The following SLC45A4 variants were observed in gnomAD, a reference collection of about 807,000 sequenced individuals.
SLC45A4 encodes the protein solute carrier family 45 member 4.
In SLC45A4, 32 loss-of-function variants were observed where a neutral mutation model predicts 63.7. That is an observed-to-expected ratio of 0.50 (90% CI 0.38 to 0.67). The LOEUF (loss-of-function observed/expected upper bound fraction) is 0.67. SLC45A4 is among the 30% of genes least tolerant of loss of function. The pLI is 0.00. For missense variants in SLC45A4, 1,027 were observed against 1,157.7 expected (o/e 0.89, Z 1.64); for synonymous variants, 535 against 510.0 (o/e 1.05, Z -0.66).
At chr8:141,283,388 G>T (rs1830028837) in intron 1 of SLC45A4, among the ~76,000 whole-genome samples, 1 of 152,152 alleles carries the variant, frequency 6.6e-6, no homozygotes, top group African/African-American at 2.4e-5. Context: ...TTCCCTCCCA[G>T]CCCCAAAGCT....
At chr8:141,267,295 G>A (rs1314330752) in intron 1 of SLC45A4, among the ~76,000 whole-genome samples, 2 of 152,258 alleles carry the variant, frequency 1.3e-5, no homozygotes, top group African/African-American at 4.8e-5. Context: ...TGTCCCGTGG[G>A]GCCTGCGTGG....
chr8:141,212,034 T>C (rs1396685348), intron 8 of SLC45A4, 163 bp downstream of exon 8: 11 of 1,344,828 alleles, frequency 8.2e-6, no homozygotes, highest in Admixed American at 7.2e-5. Context: ...ACTACTGAAT[T>C]GTGGCTATGG....
rs1033082822 is a variant in SLC45A4 at position 141,215,681 on chromosome 8, A to G, written c.1941+78T>C. ...TGTGTCGTGAACGTCCCCCCGGGGA[A>G]GCACAGGGCTCTGCTCTGTATGGAG... On this transcript the variant is annotated intron_variant, in intron 7 of 8. Transcript: ENST00000517878. This position sits in a 1 kb window ranked among gnomAD's most constrained non-coding sequence, Gnocchi z 4.3. 1.4e-6 allele frequency: 2 copies of G among 1,429,470 alleles called. No homozygotes were observed. Among genetic ancestry groups the G allele is most frequent in the Non-Finnish European group, 1.9e-6 (2 of 1,028,378 alleles). 88.5% of individuals were successfully genotyped at this position (1,429,470 alleles called of 1,614,324 possible).
chr8:141,218,062 G>T lies in SLC45A4; in HGVS notation c.1578C>A (p.Ala526=), dbSNP rs61995882. ...GGCCCATGAAGTCGGTGTAGAACAC[G>T]GCCTCGGCGATGACAGAGAACCAGG... ...LLTWFSVIAE[A]VFYTDFMGQV... is the part of the protein sequence containing the mutation. Residue 526 remains alanine (A), a synonymous_variant, in exon 5 of 9, where the codon GCC becomes GCA. Transcript: ENST00000517878. 752 of 1,612,686 alleles carry T rather than the reference G, an allele frequency of 4.7e-4. 6 individuals carry two copies. The African/African-American group carries it at 7.7e-3, about 16-fold the overall frequency.
chr8:141,270,630 C>T (rs1378495896), intron 1 of SLC45A4, among the ~76,000 whole-genome samples: 2 of 152,168 alleles, frequency 1.3e-5, no homozygotes, highest in African/African-American at 2.4e-5. Flanking sequence ...AAGATCGCAT[C>T]GCTGCACTCT....
In SLC45A4 at chr8:141,254,246, T is replaced by C; in HGVS notation, c.-17A>G. 1 of 1,519,030 alleles carries C rather than the reference T, an allele frequency of 6.6e-7. No homozygotes were observed. Among genetic ancestry groups the C allele is most frequent in the Non-Finnish European group, 8.8e-7 (1 of 1,137,840 alleles). The allele number at this position is 1,519,030 out of a possible 1,614,324, so 94.1% of individuals were successfully genotyped here. On this transcript the variant is annotated 5_prime_UTR_variant, in exon 2 of 9. Transcript: ENST00000517878. This position sits in a 1 kb window ranked among gnomAD's most constrained non-coding sequence, Gnocchi z 4.5. ...CATTTTCATTACCACCAAAAATATATGTATTTATCTATATATTCTATCTAT... is the reference window on the plus strand; with the variant it reads ...CATTTTCATTACCACCAAAAATATACGTATTTATCTATATATTCTATCTAT...
intron 3 of SLC45A4, among the ~76,000 whole-genome samples, chr8:141,221,330 C>T (rs890650742): frequency 3.9e-5 from 6 of 152,258 alleles, no homozygotes; most frequent in Non-Finnish European, 5.9e-5. Flanking sequence ...GTGTCAGATA[C>T]GCATTAAAAA....
chr8:141,288,966 G>C (rs1414401543), intron 1 of SLC45A4, among the ~76,000 whole-genome samples: 1 of 151,318 alleles, frequency 6.6e-6, no homozygotes, highest in Non-Finnish European at 1.5e-5. Context: ...CCATCGAGGC[G>C]CTAATCCTTC....
rs564810559 is a variant in SLC45A4, at chr8:141,290,317, C to T, written c.-401+17779G>A. Among the ~76,000 whole-genome samples, 395 of 152,030 alleles carry T rather than the reference C, an allele frequency of 2.6e-3. 2 individuals carry two copies. Among genetic ancestry groups the T allele is most frequent in the African/African-American group, 9.2e-3 (380 of 41,446 alleles). ...GCACCGGCAGAAAGGCCCCAAGTGC[C>T]GCAGCTCCAAGCCCGGCCCTCCCAC... On this transcript the variant is annotated intron_variant, in intron 1 of 8. Coordinates refer to ENST00000517878, the MANE Select transcript of SLC45A4 (RefSeq NM_001286646.2).
chr8:141,290,426 T>C (rs147826069), intron 1 of SLC45A4, among the ~76,000 whole-genome samples: 8 of 152,344 alleles, frequency 5.3e-5, no homozygotes, highest in East Asian at 1.9e-4. Flanking sequence ...CAATGTGACA[T>C]TGCACAATTC....
chr8:141,241,147 T>A (rs1007181978), intron 2 of SLC45A4, among the ~76,000 whole-genome samples: 1 of 152,194 alleles, frequency 6.6e-6, no homozygotes, highest in Non-Finnish European at 1.5e-5. Flanking sequence ...CATCGTTCAA[T>A]AAATGGTGTG....
chr8:141,286,557 T>C (rs781447048), intron 1 of SLC45A4, among the ~76,000 whole-genome samples: 5 of 152,152 alleles, frequency 3.3e-5, no homozygotes, highest in African/African-American at 1.2e-4. Context: ...ACTTCCCCCA[T>C]TGAATATTTA....
chr8:141,279,617 G>A (rs1044110513), intron 1 of SLC45A4, among the ~76,000 whole-genome samples: 4 of 152,226 alleles, frequency 2.6e-5, no homozygotes, highest in Admixed American at 2.6e-4. Flanking sequence ...TGCCAATCAT[G>A]CAGTGGAAAC....
In SLC45A4 at chr8:141,218,966, C is replaced by T. The variant is rs1469493281; in HGVS notation, c.674G>A (p.Ser225Asn). ...GLDWTQTFLG[S>N]WFRTQNQVLF... Reference sequence around the variant, plus strand: ...CACCTGGTTCTGGGTCCGGAACCAGCTGCCCAGGAAGGTCTGGGTCCAGTC... The same window carrying T: ...CACCTGGTTCTGGGTCCGGAACCAGTTGCCCAGGAAGGTCTGGGTCCAGTC... Residue 225 changes from serine to asparagine, a missense_variant, in exon 5 of 9, where the codon AGC becomes AAC. Ser to Asn is a conservative substitution (Grantham distance 46). Transcript: ENST00000517878. 5.0e-6 allele frequency: 8 copies of T among 1,613,558 alleles called. No individual in the cohort carries two copies. The highest frequency in any genetic ancestry group is 6.8e-6 in the Non-Finnish European group (8 of 1,179,920).
intron 1 of SLC45A4, among the ~76,000 whole-genome samples, chr8:141,282,578 A>G (rs1452291480): frequency 6.6e-6 from 1 of 152,188 alleles, no homozygotes; most frequent in Non-Finnish European, 1.5e-5. Flanking sequence ...CCCCGTGCAC[A>G]GCTCGTGGAT....
intron 1 of SLC45A4, among the ~76,000 whole-genome samples, chr8:141,296,877 C>T (rs56073136): frequency 0.096 from 14,254 of 148,696 alleles, 829 homozygotes; most frequent in Middle Eastern, 0.17. Flanking sequence ...AAGACCCTCA[C>T]GCCCTTTATC....
chr8:141,228,129 G>T, intron 2 of SLC45A4: 2 of 1,611,560 alleles, frequency 1.2e-6, no homozygotes, highest in South Asian at 2.2e-5. Context: ...GCAAGCTTTA[G>T]ATGGAGTGAT....
At chr8:141,279,757 C>A (rs1311551630) in intron 1 of SLC45A4, among the ~76,000 whole-genome samples, 2 of 152,274 alleles carry the variant, frequency 1.3e-5, no homozygotes, top group African/African-American at 4.8e-5. Context: ...AAAACAATTC[C>A]ATCTGCGAAC....
intron 1 of SLC45A4, among the ~76,000 whole-genome samples, chr8:141,261,743 A>G (rs1042861921): frequency 3.3e-5 from 5 of 152,202 alleles, no homozygotes; most frequent in African/African-American, 9.6e-5. Flanking sequence ...CAAATGGAAG[A>G]ACATTCCATG....
Sources: allele counts gnomAD v4.1 joint callset (sites outside exome capture counted in the v4.1 genomes callset), GRCh38; gene constraint gnomAD v4.1.1; non-coding constraint Gnocchi (gnomAD v3.1); transcripts MANE v1.5; gene names NCBI Gene and HGNC (gene_info 2026-07-23, HGNC 2026-07-21).